RBFOX1: variants seen among roughly 807,000 people sequenced by gnomAD.
RBFOX1 encodes the protein RNA binding protein fox-1 homolog 1.
In RBFOX1, 8 loss-of-function variants were observed where a neutral mutation model predicts 57.7. The ratio of observed to expected loss-of-function variants is 0.14; its 90% CI spans 0.08 to 0.25. The LOEUF (loss-of-function observed/expected upper bound fraction) is 0.25, where lower values mean the gene tolerates loss of function less well. Among genes scored for constraint, RBFOX1 ranks in the 10% least tolerant of loss-of-function variants. The pLI, the probability that RBFOX1 is intolerant of heterozygous loss-of-function variation, is 1.00. For synonymous variants in RBFOX1, 326 were observed against 222.4 expected (o/e 1.47, Z -4.15); for missense variants, 611 against 548.5 (o/e 1.11, Z -1.14).
intron 2 of RBFOX1, among the ~76,000 whole-genome samples, chr16:5,587,256 A>T (rs77809847): frequency 0.034 from 5,213 of 152,294 alleles, 283 homozygotes; most frequent in African/African-American, 0.12. Context: ...AACTCAATTA[A>T]AAAATGGGCA....
intron 4 of RBFOX1, among the ~76,000 whole-genome samples, chr16:7,467,514 A>G (rs2060748175): frequency 1.3e-5 from 2 of 152,294 alleles, no homozygotes; most frequent in South Asian, 4.2e-4. Context: ...AGTATAATAT[A>G]ATGGGTGAGA....
intron 3 of RBFOX1, among the ~76,000 whole-genome samples, chr16:6,838,921 G>C (rs1435359678): frequency 6.6e-6 from 1 of 151,704 alleles, no homozygotes; most frequent in African/African-American, 2.4e-5. Context: ...ATTCAAGACT[G>C]TGCACTGGTT....
chr16:5,986,083 A>G (rs2060280539), intron 4 of RBFOX1, among the ~76,000 whole-genome samples: 1 of 147,664 alleles, frequency 6.8e-6, no homozygotes, highest in African/African-American at 2.5e-5. Flanking sequence ...TGTTTTCCAG[A>G]CAGGGTCTCG....
intron 2 of RBFOX1, among the ~76,000 whole-genome samples, chr16:6,503,611 G>C (rs1431768801): frequency 1.3e-5 from 2 of 152,148 alleles, no homozygotes; most frequent in Non-Finnish European, 1.5e-5. Context: ...CGGCAGGCTT[G>C]CTTAGGCTTG....
intron 2 of RBFOX1, among the ~76,000 whole-genome samples, chr16:5,593,949 G>A (rs749180460): frequency 7.2e-5 from 11 of 152,084 alleles, no homozygotes; most frequent in Non-Finnish European, 1.3e-4. Context: ...GAAGGTCTCC[G>A]TGCTTCATCC....
At chr16:7,526,965 G>A (rs1325484416) in intron 5 of RBFOX1, among the ~76,000 whole-genome samples, 1 of 152,288 alleles carries the variant, frequency 6.6e-6, no homozygotes, top group Admixed American at 6.5e-5. Flanking sequence ...TTTCTAAATA[G>A]GTTGCTGTTG....
intron 2 of RBFOX1, among the ~76,000 whole-genome samples, chr16:6,523,234 G>A (rs1453223433): frequency 6.6e-6 from 1 of 152,006 alleles, no homozygotes; most frequent in African/African-American, 2.4e-5. Flanking sequence ...AAGTACTTGG[G>A]AAATACCTGA....
intron 4 of RBFOX1, among the ~76,000 whole-genome samples, chr16:6,010,275 TC>T (rs2094953789): frequency 6.6e-6 from 1 of 152,160 alleles, no homozygotes; most frequent in South Asian, 2.1e-4. Context: ...ACACCTCCCC[TC>T]CCCAGGATAA....
At chr16:7,550,411 C>T (rs959654733) in intron 5 of RBFOX1, among the ~76,000 whole-genome samples, 1 of 152,110 alleles carries the variant, frequency 6.6e-6, no homozygotes, top group African/African-American at 2.4e-5. Flanking sequence ...CCTTTATGAT[C>T]TGAGAGCCCG....
At chr16:7,671,348 T>A (rs751386907) in intron 13 of RBFOX1, among the ~76,000 whole-genome samples, 1 of 152,222 alleles carries the variant, frequency 6.6e-6, no homozygotes, top group African/African-American at 2.4e-5. Context: ...CATCTCCACC[T>A]TGATACTCTC....
intron 4 of RBFOX1, among the ~76,000 whole-genome samples, chr16:7,467,168 C>A (rs1028586743): frequency 1.3e-5 from 2 of 152,178 alleles, no homozygotes; most frequent in Admixed American, 1.3e-4. Flanking sequence ...GGAAATCAGA[C>A]TTCTTTGCAT....
At chr16:7,353,894 T>C (rs908482701) in intron 4 of RBFOX1, among the ~76,000 whole-genome samples, 4 of 152,220 alleles carry the variant, frequency 2.6e-5, no homozygotes, top group Non-Finnish European at 2.9e-5. Flanking sequence ...TGTTCTAGAA[T>C]TGTACAACTA....
At chr16:5,771,533 C>A (rs943094263) in intron 3 of RBFOX1, among the ~76,000 whole-genome samples, 1 of 152,104 alleles carries the variant, frequency 6.6e-6, no homozygotes, top group Non-Finnish European at 1.5e-5. Context: ...CTCAGCCTCC[C>A]GAATAGCTGA....
chr16:6,017,401 C>T (rs2095001394), upstream of RBFOX1, among the ~76,000 whole-genome samples: 1 of 152,176 alleles, frequency 6.6e-6, no homozygotes. Flanking sequence ...TAGACAATTA[C>T]ATTTAAATTC....
chr16:5,325,460 A>C (rs1162643032), intron 1 of RBFOX1, among the ~76,000 whole-genome samples: 2 of 152,338 alleles, frequency 1.3e-5, no homozygotes, highest in South Asian at 2.1e-4. Flanking sequence ...AACGTACAGT[A>C]AAATTGCCGT....
intron 7 of RBFOX1, among the ~76,000 whole-genome samples, chr16:7,594,147 C>T (rs2094576476): frequency 6.6e-6 from 1 of 151,722 alleles, no homozygotes; most frequent in Non-Finnish European, 1.5e-5. Context: ...CGTGACAGGC[C>T]CTGGTGTGTG....
At position 6,748,703 on chromosome 16, in the gene RBFOX1, T is replaced by C. The variant is rs766035093; in HGVS notation, c.-16+94053T>C. 2.6e-5 allele frequency among the ~76,000 whole-genome samples: 4 copies of C among 152,146 alleles called. No individual in the cohort carries two copies. In the East Asian group the frequency reaches 7.7e-4, roughly 29 times the overall value. ...TTGGAGTATATAGAATTTGAACTTGTTATGCATGTATGAACAGAAGTTATT... is the reference window on the plus strand; with the variant it reads ...TTGGAGTATATAGAATTTGAACTTGCTATGCATGTATGAACAGAAGTTATT... On this transcript the variant is annotated intron_variant, in intron 3 of 15. Coordinates refer to ENST00000550418, the MANE Select transcript of RBFOX1 (RefSeq NM_018723.4).
intron 3 of RBFOX1, among the ~76,000 whole-genome samples, chr16:5,731,345 C>T (rs2052366633): frequency 6.6e-6 from 1 of 152,212 alleles, no homozygotes; most frequent in East Asian, 1.9e-4. Flanking sequence ...CTGTAATCAC[C>T]ATCATATTAA....
intron 3 of RBFOX1, chr16:6,773,923 T>C: frequency 1.0e-6 from 1 of 984,532 alleles, no homozygotes; most frequent in Non-Finnish European, 1.2e-6. Flanking sequence ...GTTGCGGGGG[T>C]GTGGAGTGTG....
Sources: gnomAD v4.1 joint callset for allele counts (sites outside exome capture counted in the v4.1 genomes callset) on GRCh38, gnomAD v4.1.1 for gene constraint, MANE v1.5 for transcripts, NCBI Gene and HGNC (gene_info 2026-07-23, HGNC 2026-07-21) for gene names.